MGAT4C: variants seen among roughly 807,000 people sequenced by gnomAD.
MGAT4C encodes alpha-1,3-mannosyl-glycoprotein 4-beta-N-acetylglucosaminyltransferase C.
A neutral mutation model predicts 40.1 loss-of-function variants in MGAT4C; 19 were observed. That is an observed-to-expected ratio of 0.47 (90% CI 0.33 to 0.70). MGAT4C has a LOEUF of 0.70. Among genes scored for constraint, MGAT4C ranks in the 30% least tolerant of loss-of-function variants. The pLI is 0.02. For missense variants in MGAT4C, 491 were observed against 563.2 expected, an observed-to-expected ratio of 0.87 and a Z score of 1.30; for synonymous variants, 181 against 187.1, an observed-to-expected ratio of 0.97 and a Z score of 0.27.
intron 1 of MGAT4C, among the ~76,000 whole-genome samples, chr12:86,254,280 C>T (rs1004165025): frequency 4.6e-5 from 7 of 151,788 alleles, no homozygotes; most frequent in South Asian, 2.1e-4. Flanking sequence ...GCTCATATCT[C>T]GTGTACTTGC....
chr12:86,376,769 A>G (rs1213765754), intron 3 of MGAT4C, among the ~76,000 whole-genome samples: 1 of 151,492 alleles, frequency 6.6e-6, no homozygotes, highest in African/African-American at 2.4e-5. Flanking sequence ...TACATCAAAG[A>G]GCAAGAAAGA....
chr12:86,198,450 C>T (rs998784188), intron 1 of MGAT4C, among the ~76,000 whole-genome samples: 1 of 152,052 alleles, frequency 6.6e-6, no homozygotes, highest in Non-Finnish European at 1.5e-5. Context: ...TAAAACATTG[C>T]TTTTTAGATG....
chr12:86,249,674 C>G (rs555806168), intron 1 of MGAT4C, among the ~76,000 whole-genome samples: 1 of 152,130 alleles, frequency 6.6e-6, no homozygotes, highest in Non-Finnish European at 1.5e-5. Context: ...TTAGCTCTCC[C>G]TCACTCCTGC....
intron 1 of MGAT4C, among the ~76,000 whole-genome samples, chr12:86,126,118 T>C (rs910752086): frequency 6.6e-6 from 1 of 151,946 alleles, no homozygotes; most frequent in Non-Finnish European, 1.5e-5. Context: ...ATGTCATTTA[T>C]TAAAGACAAA....
intron 1 of MGAT4C, among the ~76,000 whole-genome samples, chr12:86,773,297 G>A (rs376417027): frequency 5.9e-5 from 9 of 152,054 alleles, no homozygotes; most frequent in Admixed American, 2.0e-4. Flanking sequence ...ATCTACAGAG[G>A]GAAGAGGATA....
chr12:86,707,544 T>A (rs78530242), intron 2 of MGAT4C, among the ~76,000 whole-genome samples: 4 of 149,924 alleles, frequency 2.7e-5, no homozygotes, highest in African/African-American at 7.4e-5. Flanking sequence ...TTTTTTTTTT[T>A]AATTGAGGTG....
chr12:86,055,345 G>A (rs142906984), intron 1 of MGAT4C, among the ~76,000 whole-genome samples: 2 of 152,080 alleles, frequency 1.3e-5, no homozygotes, highest in Non-Finnish European at 2.9e-5. Flanking sequence ...AGATATATGT[G>A]TAAAAATAAT....
intron 1 of MGAT4C, among the ~76,000 whole-genome samples, chr12:86,765,511 G>C (rs191771044): frequency 6.6e-6 from 1 of 152,214 alleles, no homozygotes; most frequent in East Asian, 1.9e-4. Flanking sequence ...AGGAAATATA[G>C]AGAACGCCAC....
intron 1 of MGAT4C, among the ~76,000 whole-genome samples, chr12:86,110,564 A>G (rs1472114385): frequency 2.0e-5 from 3 of 151,146 alleles, no homozygotes. Flanking sequence ...TTTTTAGGAC[A>G]TTAAACATTA....
At chr12:86,002,829 C>T (rs1254349527) in intron 2 of MGAT4C, among the ~76,000 whole-genome samples, 1 of 151,912 alleles carries the variant, frequency 6.6e-6, no homozygotes, top group Non-Finnish European at 1.5e-5. Context: ...GAGACAGATT[C>T]TCACGCTGTC....
intron 2 of MGAT4C, chr12:86,495,210 C>G (rs928903142): frequency 2.6e-5 from 4 of 152,008 alleles, no homozygotes; most frequent in Non-Finnish European, 5.9e-5. Context: ...GCAGACCACA[C>G]ACAACATTTA....
chr12:86,594,362 T>C (rs902801480), intron 2 of MGAT4C, among the ~76,000 whole-genome samples: 2 of 152,096 alleles, frequency 1.3e-5, no homozygotes, highest in Non-Finnish European at 2.9e-5. Flanking sequence ...AAATAAGTGT[T>C]TCTTCATTTA....
At chr12:86,276,830 G>A (rs1953091428) in intron 4 of MGAT4C, among the ~76,000 whole-genome samples, 2 of 152,080 alleles carry the variant, frequency 1.3e-5, no homozygotes, top group Non-Finnish European at 2.9e-5. Context: ...TTATCCATTT[G>A]TCTGTTGATG....
intron 2 of MGAT4C, among the ~76,000 whole-genome samples, chr12:86,645,055 T>G (rs973842974): frequency 6.6e-6 from 1 of 151,604 alleles, no homozygotes; most frequent in Admixed American, 6.6e-5. Context: ...ATATGTGATC[T>G]CATATATATG....
At chr12:86,113,722 T>A (rs1187629021) in intron 1 of MGAT4C, among the ~76,000 whole-genome samples, 5 of 152,030 alleles carry the variant, frequency 3.3e-5, no homozygotes, top group African/African-American at 1.2e-4. Context: ...AATCAACTGC[T>A]CATTAGTGAA....
chr12:86,272,428 T>A (rs1034360209), intron 4 of MGAT4C, among the ~76,000 whole-genome samples: 4 of 152,204 alleles, frequency 2.6e-5, no homozygotes, highest in African/African-American at 9.7e-5. Flanking sequence ...GTTATTTTTT[T>A]AAAGAAACCA....
chr12:86,568,496 G>A (rs1039129228), intron 2 of MGAT4C, among the ~76,000 whole-genome samples: 9 of 150,674 alleles, frequency 6.0e-5, no homozygotes, highest in Non-Finnish European at 1.0e-4. Context: ...GGCCTATTGT[G>A]GGACTTCACT....
In MGAT4C at chr12:86,131,875, C is replaced by T. The variant is rs138225336; in HGVS notation, c.-56-82152G>A. ...TATTATAGCAGCCATAATTAATAGT[C>T]TTCCTCAAATATAAACTATTGTGTG... On this transcript the variant is annotated intron_variant, in intron 1 of 4. Transcript: ENST00000611864. Among the ~76,000 whole-genome samples the T allele has an allele frequency of 7.2e-3, 1,088 of 152,146 alleles. 7 individuals are homozygous for T. Among genetic ancestry groups the T allele is most frequent in the South Asian group, 0.013 (62 of 4,822 alleles).
chr12:86,191,399 A>G (rs1448183531), intron 1 of MGAT4C, among the ~76,000 whole-genome samples: 3 of 151,936 alleles, frequency 2.0e-5, no homozygotes, highest in Non-Finnish European at 4.4e-5. Flanking sequence ...TTCAAAATAC[A>G]TTGAAAATAT....
Sources: allele counts gnomAD v4.1 joint callset (sites outside exome capture counted in the v4.1 genomes callset), GRCh38; gene constraint gnomAD v4.1.1; transcripts MANE v1.5; gene names NCBI Gene and HGNC (gene_info 2026-07-23, HGNC 2026-07-21).